Variants in CDH23 observed in about 807,000 individuals in gnomAD.
CDH23 encodes the protein cadherin-23.
Under a neutral mutation model 317.1 loss-of-function variants are expected in CDH23, and 189 were observed. The observed-to-expected ratio is 0.60, with a 90% CI of 0.53 to 0.67. The LOEUF is 0.67. CDH23 is among the 30% of genes least tolerant of loss of function. CDH23 has a pLI of 0.00. For synonymous variants in CDH23, 1,839 were observed against 1,876.8 expected, an observed-to-expected ratio of 0.98 and a Z score of 0.52; for missense variants, 4,401 against 4,592.4, an observed-to-expected ratio of 0.96 and a Z score of 1.20.
At chr10:71,743,457 A>C (rs1479499028) in intron 38 of CDH23, among the ~76,000 whole-genome samples, 1 of 152,312 alleles carries the variant, frequency 6.6e-6, no homozygotes, top group East Asian at 1.9e-4. Context: ...TTAATAATCC[A>C]GGAATCCCCA....
intron 1 of CDH23, among the ~76,000 whole-genome samples, chr10:71,422,110 A>G (rs1392232934): frequency 6.6e-6 from 1 of 152,234 alleles, no homozygotes; most frequent in African/African-American, 2.4e-5. Flanking sequence ...ATGGTGTTTA[A>G]TGATTTTCTG....
intron 14 of CDH23, among the ~76,000 whole-genome samples, chr10:71,666,616 T>TG (rs34675114): frequency 0.18 from 26,736 of 152,022 alleles, 2,402 homozygotes; most frequent in South Asian, 0.2. Context: ...CCTAGAAGTG[T>TG]GGGGCAGACT....
At chr10:71,578,457 T>G (rs1371379261) in intron 9 of CDH23, among the ~76,000 whole-genome samples, 2 of 152,164 alleles carry the variant, frequency 1.3e-5, no homozygotes, top group Non-Finnish European at 1.5e-5. Flanking sequence ...TTTTCACATT[T>G]CCAACCCTTA....
rs201087939 is a variant in CDH23 at position 71,403,314 on chromosome 10, T to TCTTCCTTCCTTCCTTC, written c.-6+6011_-6+6012insCCTTCCTTCCTTCCTT. 7.8e-5 allele frequency among the ~76,000 whole-genome samples: 8 copies of TCTTCCTTCCTTCCTTC among 102,772 alleles called. 1 individual carries two copies. The highest frequency in any genetic ancestry group is 5.7e-4 in the African/African-American group (8 of 13,938). The allele number at this position is 102,772 out of a possible 152,430, so 67.4% of individuals were successfully genotyped here. ...CATTTGCTTGCTTTCTCTTTCTCTT[T>TCTTCCTTCCTTCCTTC]CTTCCTTCCTTCCTTTCTTTCTTTC... On this transcript the variant is annotated intron_variant, in intron 1 of 69. Transcript: ENST00000224721.
intron 20 of CDH23, among the ~76,000 whole-genome samples, chr10:71,691,155 T>C (rs1039090339): frequency 6.6e-6 from 1 of 152,248 alleles, no homozygotes; most frequent in East Asian, 1.9e-4. Context: ...GCTCAGCCCA[T>C]GTAACTCTCT....
chr10:71,466,543 CGT>C (rs1440136893), intron 3 of CDH23, among the ~76,000 whole-genome samples: 2 of 152,014 alleles, frequency 1.3e-5, no homozygotes, highest in Admixed American at 6.6e-5. Context: ...TGCCTACCCA[CGT>C]GTGTTTGTCC....
At chr10:71,460,859 G>A (rs1325517269) in intron 3 of CDH23, among the ~76,000 whole-genome samples, 1 of 152,240 alleles carries the variant, frequency 6.6e-6, no homozygotes, top group Non-Finnish European at 1.5e-5. Flanking sequence ...GACAGTCCAG[G>A]AAGAGCAGAA....
At chr10:71,658,290 G>T (rs1863501449) in intron 14 of CDH23, among the ~76,000 whole-genome samples, 1 of 152,218 alleles carries the variant, frequency 6.6e-6, no homozygotes, top group African/African-American at 2.4e-5. Context: ...GAGAGCGAGA[G>T]ATGGAGAGAG....
rs118051277 is a variant in CDH23 at position 71,755,204 on chromosome 10, C to T, written c.4845+13283C>T. The T allele has an allele frequency of 2.3e-4, 179 of 773,486 alleles. 1 individual carries two copies. The East Asian group carries it at 4.7e-3, about 20-fold the overall frequency. The allele number at this position is 773,486 out of a possible 1,614,324, so 47.9% of individuals were successfully genotyped here. The stretch of plus-strand genomic sequence containing the variant: ...CATGCCTCCTTTCTCTCGGCCATTT[C>T]GCCCAGCTCCTGGCGGGAAGTGCAG... On this transcript the variant is annotated intron_variant, in intron 38 of 69. Coordinates refer to ENST00000224721, the MANE Select transcript of CDH23 (RefSeq NM_022124.6).
At chr10:71,506,704 G>A (rs1003706169) in intron 3 of CDH23, among the ~76,000 whole-genome samples, 2 of 152,196 alleles carry the variant, frequency 1.3e-5, no homozygotes, top group East Asian at 1.9e-4. Flanking sequence ...GCAGAGCAGC[G>A]CTGGGCGGAG....
intron 40 of CDH23, 104 bp downstream of exon 40, chr10:71,778,412 GA>G: frequency 7.0e-7 from 1 of 1,428,094 alleles, no homozygotes. Flanking sequence ...TTGTCTGAGG[GA>G]AATGCCTAAA....
At chr10:71,487,007 G>C (rs1236554267) in intron 3 of CDH23, among the ~76,000 whole-genome samples, 1 of 152,104 alleles carries the variant, frequency 6.6e-6, no homozygotes. Context: ...ACAACCCTGG[G>C]CCAGGCATAT....
intron 3 of CDH23, among the ~76,000 whole-genome samples, chr10:71,480,949 C>T (rs1030911745): frequency 2.0e-5 from 3 of 152,008 alleles, no homozygotes; most frequent in Non-Finnish European, 4.4e-5. Context: ...CGGACCCCTT[C>T]GGAGGAAAAT....
rs1343938093 is a variant in CDH23 at position 71,751,992 on chromosome 10, A to G, written c.4845+10071A>G. 2 of 1,036,494 alleles carry G rather than the reference A, an allele frequency of 1.9e-6. No individual in the cohort carries two copies. The highest frequency in any genetic ancestry group is 2.9e-6 in the Non-Finnish European group (2 of 691,946). The allele number at this position is 1,036,494 out of a possible 1,614,324, so 64.2% of individuals were successfully genotyped here. A position where few individuals can be genotyped will look rare whatever the true frequency, so the allele number is the denominator to read the frequency against. On this transcript the variant is annotated intron_variant, in intron 38 of 69. Transcript: ENST00000224721. This position sits in a 1 kb window ranked among gnomAD's most constrained non-coding sequence, Gnocchi z 4.9. The stretch of plus-strand genomic sequence containing the variant: ...ATCCCCAAGCCTCAGCAGCATCTCC[A>G]AGCAAGAAGGCAGGAGCCAGGCCCA...
intron 38 of CDH23, among the ~76,000 whole-genome samples, chr10:71,755,987 A>G (rs1024798274): frequency 1.7e-4 from 26 of 152,320 alleles, no homozygotes; most frequent in African/African-American, 6.0e-4. Context: ...TTTTATCATA[A>G]TAGATAAAAA....
At chr10:71,454,848 T>G (rs549428378) in intron 3 of CDH23, among the ~76,000 whole-genome samples, 2,638 of 131,642 alleles carry the variant, frequency 0.02, 81 homozygotes, top group African/African-American at 0.066. Context: ...ACATTTTATT[T>G]TTTTTTTTTT....
intron 6 of CDH23, among the ~76,000 whole-genome samples, chr10:71,548,501 G>T (rs559090635): frequency 1.3e-5 from 2 of 152,310 alleles, no homozygotes; most frequent in Non-Finnish European, 2.9e-5. Context: ...AACATCAGAG[G>T]TGGGCTGGGA....
rs1015876147 is a variant in CDH23 at position 71,724,151 on chromosome 10, G to A, written c.3430+46G>A. On this transcript the variant is annotated intron_variant, in intron 29 of 69. Coordinates refer to ENST00000224721, the MANE Select transcript of CDH23 (RefSeq NM_022124.6). ...ATGGGGGGCGGTCCTCCTGCCCAGG[G>A]GAGGGCAGAGCTTCTCTAGGCTGCC... 4.5e-6 allele frequency: 7 copies of A among 1,542,524 alleles called. No homozygotes were observed. In the African/African-American group the frequency reaches 8.2e-5, roughly 18 times the overall value.
intron 42 of CDH23, among the ~76,000 whole-genome samples, chr10:71,784,674 C>T (rs536968607): frequency 1.6e-3 from 250 of 152,362 alleles, no homozygotes; most frequent in African/African-American, 5.4e-3. Context: ...CCTCCTCTGC[C>T]TCTGCCTTTC....
Sources: allele counts gnomAD v4.1 joint callset (sites outside exome capture counted in the v4.1 genomes callset), GRCh38; gene constraint gnomAD v4.1.1; non-coding constraint Gnocchi (gnomAD v3.1); transcripts MANE v1.5; gene names NCBI Gene and HGNC (gene_info 2026-07-23, HGNC 2026-07-21).